ZFHX3: variants seen among roughly 807,000 people sequenced by gnomAD.
ZFHX3 encodes the protein zinc finger homeobox 3, also known as zinc finger homeobox protein 3.
A neutral mutation model predicts 279.1 loss-of-function variants in ZFHX3; 42 were observed. That is an observed-to-expected ratio of 0.15 (90% CI 0.12 to 0.19). The LOEUF is 0.19. Ranked by LOEUF, ZFHX3 falls within the 10% of genes least tolerant of loss-of-function variation. The pLI, the probability that ZFHX3 is intolerant of heterozygous loss-of-function variation, is 1.00. For synonymous variants in ZFHX3, 2,293 were observed against 1,957.8 expected (o/e 1.17, Z -4.52); for missense variants, 4,981 against 4,754.0 (o/e 1.05, Z -1.40).
At chr16:73,477,167 G>C (rs74762065) in intron 2 of ZFHX3, among the ~76,000 whole-genome samples, 3,404 of 152,298 alleles carry the variant, frequency 0.022, 83 homozygotes, top group African/African-American at 0.063. Context: ...AGATTCACAT[G>C]TGAATTCATC....
chr16:73,603,946 T>C (rs1407251764), intron 2 of ZFHX3, among the ~76,000 whole-genome samples: 1 of 151,822 alleles, frequency 6.6e-6, no homozygotes, highest in Non-Finnish European at 1.5e-5. Flanking sequence ...GCCCAGCTAA[T>C]TTTTGTATTT....
intron 7 of ZFHX3, among the ~76,000 whole-genome samples, chr16:73,110,046 C>T (rs1221639912): frequency 1.3e-5 from 2 of 151,990 alleles, no homozygotes; most frequent in Admixed American, 1.3e-4. Context: ...CGAGACCATC[C>T]TGGCTCACAT....
intron 7 of ZFHX3, among the ~76,000 whole-genome samples, chr16:73,121,781 A>G (rs919370145): frequency 1.3e-5 from 2 of 151,588 alleles, no homozygotes; most frequent in Non-Finnish European, 2.9e-5. Context: ...ACACCCGGCT[A>G]ATTTTTTGTA....
intron 8 of ZFHX3, among the ~76,000 whole-genome samples, chr16:73,075,508 A>C (rs1420898213): frequency 1.3e-5 from 2 of 152,178 alleles, no homozygotes; most frequent in Non-Finnish European, 2.9e-5. Context: ...GCAGCTCAGG[A>C]CAGACTCACC....
intron 2 of ZFHX3, among the ~76,000 whole-genome samples, chr16:73,476,615 A>T (rs184126563): frequency 1.3e-5 from 2 of 152,324 alleles, no homozygotes; most frequent in Non-Finnish European, 2.9e-5. Context: ...AAGTGGGAGG[A>T]AGCTGTGAAT....
intron 8 of ZFHX3, among the ~76,000 whole-genome samples, chr16:73,073,297 C>A (rs923392248): frequency 6.6e-6 from 1 of 152,168 alleles, no homozygotes; most frequent in African/African-American, 2.4e-5. Context: ...CTTCTAGAGA[C>A]CTGTTCCTTC....
rs148576641 is a variant in ZFHX3 at position 73,709,908 on chromosome 16, G to T, written c.-1607-29668C>A. On this transcript the variant is annotated intron_variant, in intron 1 of 17. Transcript: ENST00000641206. ...ATAAATACATAGGTTTTGGCCGGGCGTGGTGGCTCATGCCTGTAATCCCAG... is the reference window on the plus strand; with the variant it reads ...ATAAATACATAGGTTTTGGCCGGGCTTGGTGGCTCATGCCTGTAATCCCAG... Among the ~76,000 whole-genome samples, 4 of 152,274 alleles carry T rather than the reference G, an allele frequency of 2.6e-5. No individual in the cohort carries two copies. In the East Asian group the frequency reaches 7.7e-4, roughly 29 times the overall value.
At chr16:73,499,784 G>A (rs2019203369) in intron 2 of ZFHX3, 1 of 152,162 alleles carries the variant, frequency 6.6e-6, no homozygotes, top group Non-Finnish European at 1.5e-5. Flanking sequence ...TGTGCCACAT[G>A]ACAACGTTTC....
intron 4 of ZFHX3, among the ~76,000 whole-genome samples, chr16:73,308,967 TC>T (rs1257586450): frequency 1.3e-5 from 2 of 152,002 alleles, no homozygotes; most frequent in African/African-American, 4.8e-5. Context: ...GGAAGTTAGA[TC>T]CCATGACAGG....
At chr16:73,176,140 A>C (rs1967658765) in intron 5 of ZFHX3, among the ~76,000 whole-genome samples, 1 of 152,152 alleles carries the variant, frequency 6.6e-6, no homozygotes, top group Admixed American at 6.5e-5. Flanking sequence ...ACCATCTAGC[A>C]CCGTCCCATC....
intron 5 of ZFHX3, among the ~76,000 whole-genome samples, chr16:73,195,697 G>C (rs925752563): frequency 1.3e-5 from 2 of 152,100 alleles, no homozygotes; most frequent in East Asian, 1.9e-4. Flanking sequence ...GATTACAGGC[G>C]TGAGCCACCA....
chr16:73,435,677 A>G (rs1764608726), intron 3 of ZFHX3, among the ~76,000 whole-genome samples: 1 of 152,240 alleles, frequency 6.6e-6, no homozygotes, highest in Non-Finnish European at 1.5e-5. Context: ...TCTGGGATAA[A>G]GCCATGGTCA....
In ZFHX3 at chr16:73,510,170, C is replaced by A. The variant is rs143819595; in HGVS notation, c.-1546-53912G>T. Among the ~76,000 whole-genome samples, 11 of 152,284 alleles carry A rather than the reference C, an allele frequency of 7.2e-5. No individual in the cohort carries two copies. The South Asian group carries it at 1.0e-3, about 14-fold the overall frequency. On this transcript the variant is annotated intron_variant, in intron 2 of 17. Transcript: ENST00000641206. ...CACCCCTGATCAGCAAATCTAAAGG[C>A]ATCATCTAGCCACTTGCAATTACAC...
chr16:73,641,794 T>C (rs1475046792), intron 2 of ZFHX3, among the ~76,000 whole-genome samples: 3 of 152,144 alleles, frequency 2.0e-5, no homozygotes, highest in Non-Finnish European at 2.9e-5. Context: ...GGAACTGCTA[T>C]TGGTAATCAT....
At chr16:72,901,744 A>G (rs977234108) in intron 3 of ZFHX3, among the ~76,000 whole-genome samples, 1 of 152,230 alleles carries the variant, frequency 6.6e-6, no homozygotes, top group Non-Finnish European at 1.5e-5. Context: ...AGGACAGAAG[A>G]GTCTGCTTCA....
At chr16:73,509,585 C>T (rs1244932416) in intron 2 of ZFHX3, among the ~76,000 whole-genome samples, 7 of 144,774 alleles carry the variant, frequency 4.8e-5, no homozygotes, top group Admixed American at 4.3e-4. Context: ...AGTGCAGTGG[C>T]ACAATCTTGG....
At chr16:73,178,867 T>C (rs1410572077) in intron 5 of ZFHX3, among the ~76,000 whole-genome samples, 4 of 152,140 alleles carry the variant, frequency 2.6e-5, no homozygotes, top group African/African-American at 9.7e-5. Flanking sequence ...ATCTATCCAT[T>C]CATCCATCCA....
chr16:72,785,290 C>T lies in ZFHX3; in HGVS notation c.*1874G>A, dbSNP rs1337229905. On this transcript the variant is annotated 3_prime_UTR_variant, in exon 10 of 10. Coordinates refer to ENST00000268489, the MANE Select transcript of ZFHX3 (RefSeq NM_006885.4). ...ACAGGAATATGGATATTAACAGAAA[C>T]AAGTGCCTCACATACAGTTCCTTTT... The T allele has an allele frequency of 6.6e-6, 1 of 151,336 alleles. No individual in the cohort carries two copies. Among genetic ancestry groups the T allele is most frequent in the Non-Finnish European group, 1.5e-5 (1 of 67,922 alleles). 9.4% of individuals were successfully genotyped at this position (151,336 alleles called of 1,614,324 possible).
intron 2 of ZFHX3, among the ~76,000 whole-genome samples, chr16:73,467,838 T>C (rs1184760357): frequency 6.6e-6 from 1 of 152,220 alleles, no homozygotes; most frequent in Non-Finnish European, 1.5e-5. Flanking sequence ...CTCTTCCTGC[T>C]GACTTCCAGC....
Sources: gnomAD v4.1 joint callset for allele counts (sites outside exome capture counted in the v4.1 genomes callset) on GRCh38, gnomAD v4.1.1 for gene constraint, MANE v1.5 for transcripts, NCBI Gene and HGNC (gene_info 2026-07-23, HGNC 2026-07-21) for gene names.